The following COBL variants were observed in gnomAD, a reference collection of about 807,000 sequenced individuals.
COBL encodes the protein protein cordon-bleu.
A neutral mutation model predicts 98.8 loss-of-function variants in COBL; 51 were observed. The observed-to-expected ratio is 0.52, with a 90% CI of 0.41 to 0.65. The LOEUF (loss-of-function observed/expected upper bound fraction) is 0.65, where lower values mean the gene tolerates loss of function less well. Ranked by LOEUF, COBL falls within the 30% of genes least tolerant of loss-of-function variation. COBL has a pLI of 0.00. For synonymous variants in COBL, 634 were observed against 651.7 expected, an observed-to-expected ratio of 0.97 and a Z score of 0.41; for missense variants, 1,617 against 1,617.5, an observed-to-expected ratio of 1.00 and a Z score of 0.01.
intron 1 of COBL, among the ~76,000 whole-genome samples, chr7:51,252,806 A>T (rs2129139069): frequency 6.6e-6 from 1 of 152,334 alleles, no homozygotes; most frequent in African/African-American, 2.4e-5. Context: ...ATAAGTAGTA[A>T]TCTGTGAGAT....
At chr7:51,243,897 G>A (rs1796052544) in intron 1 of COBL, among the ~76,000 whole-genome samples, 1 of 152,148 alleles carries the variant, frequency 6.6e-6, no homozygotes, top group African/African-American at 2.4e-5. Flanking sequence ...TTTTGGTATT[G>A]TCCTATACTA....
intron 7 of COBL, among the ~76,000 whole-genome samples, chr7:51,066,218 T>A (rs1003628422): frequency 2.6e-5 from 4 of 152,086 alleles, no homozygotes; most frequent in Non-Finnish European, 4.4e-5. Context: ...TCCTCTGGAG[T>A]CAAGCCCCTC....
At chr7:51,254,316 G>A (rs184851262) in intron 1 of COBL, among the ~76,000 whole-genome samples, 248 of 152,238 alleles carry the variant, frequency 1.6e-3, no homozygotes, top group Non-Finnish European at 2.4e-3. Flanking sequence ...GATGAGAGGC[G>A]TATGACCTCC....
chr7:51,050,305 G>C (rs1018522544), intron 7 of COBL, among the ~76,000 whole-genome samples: 1 of 152,094 alleles, frequency 6.6e-6, no homozygotes, highest in African/African-American at 2.4e-5. Context: ...GAATCTTAAC[G>C]TGCCTATTAG....
intron 6 of COBL, among the ~76,000 whole-genome samples, chr7:51,097,805 C>A (rs911961528): frequency 6.6e-6 from 1 of 152,014 alleles, no homozygotes; most frequent in African/African-American, 2.4e-5. Flanking sequence ...GGGTGGATCA[C>A]AAGGTCAGCA....
At chr7:51,063,648 C>T (rs1384778698) in intron 7 of COBL, among the ~76,000 whole-genome samples, 5 of 152,232 alleles carry the variant, frequency 3.3e-5, no homozygotes, top group South Asian at 2.1e-4. Flanking sequence ...CTGGTGCCTA[C>T]ATGTGCCTGC....
chr7:51,021,594 T>C (rs1359092184), intron 12 of COBL, among the ~76,000 whole-genome samples: 1 of 152,152 alleles, frequency 6.6e-6, no homozygotes, highest in Non-Finnish European at 1.5e-5. Context: ...TCCCAAAGTG[T>C]TAGGATTACA....
At chr7:51,099,134 C>T (rs546047303) in intron 6 of COBL, among the ~76,000 whole-genome samples, 7 of 149,730 alleles carry the variant, frequency 4.7e-5, no homozygotes, top group African/African-American at 7.3e-5. Flanking sequence ...GGTGAGGATG[C>T]GGAGAAATTA....
intron 1 of COBL, among the ~76,000 whole-genome samples, chr7:51,265,454 C>A (rs377321411): frequency 3.3e-5 from 5 of 152,214 alleles, no homozygotes; most frequent in African/African-American, 7.2e-5. Flanking sequence ...GGACAGGCTG[C>A]ACCTCTGCTC....
At chr7:51,089,599 G>A (rs1794619188) in intron 6 of COBL, among the ~76,000 whole-genome samples, 1 of 152,174 alleles carries the variant, frequency 6.6e-6, no homozygotes, top group South Asian at 2.1e-4. Context: ...TCTCGTCTTT[G>A]TCACAGTGAA....
intron 5 of COBL, among the ~76,000 whole-genome samples, chr7:51,164,890 T>A (rs900774687): frequency 6.6e-6 from 1 of 152,090 alleles, no homozygotes; most frequent in African/African-American, 2.4e-5. Context: ...TAAAGCATAA[T>A]TTTTATTCAT....
At chr7:51,283,281 G>T (rs1273052131) in intron 1 of COBL, among the ~76,000 whole-genome samples, 2 of 151,652 alleles carry the variant, frequency 1.3e-5, no homozygotes, top group Non-Finnish European at 2.9e-5. Context: ...CTAACATGAG[G>T]AATAAAAAAG....
chr7:51,160,991 C>T (rs1786743622), intron 5 of COBL, among the ~76,000 whole-genome samples: 1 of 151,864 alleles, frequency 6.6e-6, no homozygotes, highest in African/African-American at 2.4e-5. Context: ...GCAACCTCTG[C>T]CTTATAAAGC....
At chr7:51,133,860 G>A (rs1187027530) in intron 6 of COBL, among the ~76,000 whole-genome samples, 3 of 152,192 alleles carry the variant, frequency 2.0e-5, no homozygotes, top group Non-Finnish European at 4.4e-5. Flanking sequence ...ACAAATTTTA[G>A]AAAATTTTCA....
chr7:51,239,199 C>T (rs6978816), intron 1 of COBL, among the ~76,000 whole-genome samples: 1,624 of 152,226 alleles, frequency 0.011, 24 homozygotes, highest in African/African-American at 0.037. Flanking sequence ...AGGCTGAGAC[C>T]TGCTGGGTGA....
intron 2 of COBL, among the ~76,000 whole-genome samples, chr7:51,216,546 G>A (rs555864120): frequency 1.3e-5 from 2 of 152,242 alleles, no homozygotes; most frequent in Non-Finnish European, 2.9e-5. Context: ...GTGGGGTGCT[G>A]GTAATACCAT....
rs188350016 is a variant in COBL at position 51,259,126 on chromosome 7, A to G, written c.42-39182T>C. Among the ~76,000 whole-genome samples, 999 of 152,148 alleles carry G rather than the reference A, an allele frequency of 6.6e-3. 8 individuals carry two copies. The highest frequency in any genetic ancestry group is 9.2e-3 in the Non-Finnish European group (625 of 67,994). ...AACATGGTGAAACCCTGTCTCTACT[A>G]AAAATACAAAATTAGCCAGATGCAG... On this transcript the variant is annotated intron_variant, in intron 1 of 12. Transcript: ENST00000265136.
chr7:51,249,339 A>G (rs1279399128), intron 1 of COBL, among the ~76,000 whole-genome samples: 1 of 152,190 alleles, frequency 6.6e-6, no homozygotes, highest in Non-Finnish European at 1.5e-5. Context: ...TAAGCATGAA[A>G]CATTCCTGGA....
chr7:51,077,973 A>T (rs1021595538), intron 7 of COBL, among the ~76,000 whole-genome samples: 17 of 152,148 alleles, frequency 1.1e-4, no homozygotes, highest in African/African-American at 4.1e-4. Context: ...CTCATCACAC[A>T]TCCTACATGC....
Sources: allele counts gnomAD v4.1 joint callset (sites outside exome capture counted in the v4.1 genomes callset), GRCh38; gene constraint gnomAD v4.1.1; transcripts MANE v1.5; gene names NCBI Gene and HGNC (gene_info 2026-07-23, HGNC 2026-07-21).